Variants in SPAG16 observed in about 807,000 individuals in gnomAD.
The protein encoded by SPAG16 is sperm associated antigen 16.
A neutral mutation model predicts 80.4 loss-of-function variants in SPAG16; 86 were observed. The ratio of observed to expected loss-of-function variants is 1.07; its 90% CI spans 0.90 to 1.28. SPAG16 has a LOEUF of 1.28. Ranked by LOEUF, SPAG16 falls within the 50% of genes most tolerant of loss-of-function variation. The pLI, the probability that SPAG16 is intolerant of heterozygous loss-of-function variation, is 0.00. For missense variants in SPAG16, 870 were observed against 765.3 expected, an observed-to-expected ratio of 1.14 and a Z score of -1.61; for synonymous variants, 294 against 265.9, an observed-to-expected ratio of 1.11 and a Z score of -1.03.
At chr2:214,273,687 T>G (rs1692214786) in intron 15 of SPAG16, among the ~76,000 whole-genome samples, 1 of 152,322 alleles carries the variant, frequency 6.6e-6, no homozygotes, top group Middle Eastern at 3.4e-3. Flanking sequence ...CATGCTGTTT[T>G]GGTTACTGTA....
intron 5 of SPAG16, among the ~76,000 whole-genome samples, chr2:213,322,744 G>A (rs939464238): frequency 2.6e-5 from 4 of 152,140 alleles, no homozygotes; most frequent in Non-Finnish European, 5.9e-5. Context: ...GAGACAGACG[G>A]GGTGCTGTTT....
chr2:213,385,049 A>C (rs528738278), intron 9 of SPAG16, among the ~76,000 whole-genome samples: 232 of 152,244 alleles, frequency 1.5e-3, no homozygotes, highest in African/African-American at 5.3e-3. Context: ...ACTCTCTACT[A>C]TCATCTTAGA....
Position 214,291,595 on chromosome 2 carries a change from G to A in SPAG16, c.1721-118545G>A, listed in dbSNP as rs539661983. Among the ~76,000 whole-genome samples, 20 of 152,174 alleles carry A rather than the reference G, an allele frequency of 1.3e-4. No homozygotes were observed. In the South Asian group the frequency reaches 2.3e-3, roughly 17 times the overall value. On this transcript the variant is annotated intron_variant, in intron 15 of 15. Transcript: ENST00000331683. ...GCTGGGATTACAGGCGTGAGCCACC[G>A]CGCCCGGCCTAGATCATGTTTCTTT...
intron 10 of SPAG16, among the ~76,000 whole-genome samples, chr2:213,849,161 G>C (rs1318930884): frequency 1.3e-5 from 2 of 152,142 alleles, no homozygotes; most frequent in Non-Finnish European, 2.9e-5. Context: ...GTGACAGAGA[G>C]CCAGCTTATG....
chr2:213,401,799 T>C (rs2068324103), intron 9 of SPAG16, among the ~76,000 whole-genome samples: 1 of 152,136 alleles, frequency 6.6e-6, no homozygotes, highest in Non-Finnish European at 1.5e-5. Flanking sequence ...ATTTATCTTT[T>C]TATGCTTGCA....
chr2:213,614,345 C>T (rs962311590), intron 10 of SPAG16, among the ~76,000 whole-genome samples: 2 of 152,044 alleles, frequency 1.3e-5, no homozygotes, highest in African/African-American at 2.4e-5. Context: ...TTTTTATTTT[C>T]CTGTATTACT....
In SPAG16 at chr2:213,524,730, TG is replaced by T. The variant is rs1266682312; in HGVS notation, c.1070+34643del. On this transcript the variant is annotated intron_variant, in intron 10 of 15. Transcript: ENST00000331683. ...TTTGGTCAATTTCTCCCATTTTGAA[TG>T]GGTGTATTTACCTAATGCCTGTACT... 1.7e-4 allele frequency among the ~76,000 whole-genome samples: 26 copies of T among 152,252 alleles called. 1 individual carries two copies. Among genetic ancestry groups the T allele is most frequent in the Admixed American group, 1.7e-3 (26 of 15,286 alleles).
At chr2:213,991,125 G>C (rs1054330466) in intron 12 of SPAG16, among the ~76,000 whole-genome samples, 1 of 151,896 alleles carries the variant, frequency 6.6e-6, no homozygotes, top group Non-Finnish European at 1.5e-5. Context: ...TCTACATTAG[G>C]TATGTCTCCT....
At chr2:214,355,917 G>A (rs1032748648) in intron 15 of SPAG16, among the ~76,000 whole-genome samples, 52 of 148,044 alleles carry the variant, frequency 3.5e-4, no homozygotes, top group East Asian at 1.2e-3. Flanking sequence ...GTAAACTATC[G>A]CAAGGACAAA....
At chr2:214,058,003 A>G (rs2050036238) in intron 13 of SPAG16, among the ~76,000 whole-genome samples, 1 of 152,162 alleles carries the variant, frequency 6.6e-6, no homozygotes, top group Non-Finnish European at 1.5e-5. Context: ...TGGCTTAAAA[A>G]AAATGTTGTG....
chr2:214,225,750 A>G (rs2058684774), intron 15 of SPAG16, among the ~76,000 whole-genome samples: 1 of 152,118 alleles, frequency 6.6e-6, no homozygotes, highest in South Asian at 2.1e-4. Context: ...CTTTACTTAT[A>G]ATATAGTATC....
At chr2:214,135,705 C>T (rs1364964563) in intron 14 of SPAG16, among the ~76,000 whole-genome samples, 3 of 148,822 alleles carry the variant, frequency 2.0e-5, no homozygotes, top group Non-Finnish European at 3.0e-5. Flanking sequence ...CTCTATCTCT[C>T]TCTCTCTCTG....
At chr2:214,205,463 A>G (rs1398212020) in intron 15 of SPAG16, among the ~76,000 whole-genome samples, 1 of 152,180 alleles carries the variant, frequency 6.6e-6, no homozygotes, top group Non-Finnish European at 1.5e-5. Flanking sequence ...CATATGTTCA[A>G]TTTTATATTT....
chr2:213,976,135 TACACACAC>T (rs1553685174), intron 12 of SPAG16, among the ~76,000 whole-genome samples: 2 of 81,416 alleles, frequency 2.5e-5, no homozygotes, highest in Admixed American at 1.4e-4. Context: ...TATATATATA[TACACACAC>T]ACACACACAC....
chr2:213,523,428 A>C (rs2075764482), intron 10 of SPAG16, among the ~76,000 whole-genome samples: 2 of 152,148 alleles, frequency 1.3e-5, no homozygotes, highest in African/African-American at 4.8e-5. Context: ...TAATACAGTA[A>C]ATTGGTACCA....
intron 10 of SPAG16, among the ~76,000 whole-genome samples, chr2:213,538,741 A>C (rs2076331285): frequency 1.3e-5 from 2 of 152,186 alleles, no homozygotes. Flanking sequence ...TCAGTGCACA[A>C]AAAATACTAT....
At chr2:213,310,204 C>A (rs758317423) in intron 4 of SPAG16, 27 bp downstream of exon 4, 56 of 1,445,040 alleles carry the variant, frequency 3.9e-5, no homozygotes, top group Non-Finnish European at 4.9e-5. Flanking sequence ...ATAAATAGTT[C>A]TCTTAAAATT....
intron 15 of SPAG16, among the ~76,000 whole-genome samples, chr2:214,349,547 G>A (rs1399344111): frequency 6.6e-6 from 1 of 152,142 alleles, no homozygotes; most frequent in Non-Finnish European, 1.5e-5. Flanking sequence ...GAACACTCTT[G>A]CCAAATACTT....
rs185370459 is a variant in SPAG16, at chr2:213,452,430, T to A, written c.943-37533T>A. 7.2e-5 allele frequency among the ~76,000 whole-genome samples: 11 copies of A among 152,286 alleles called. No homozygotes were observed. The East Asian group carries it at 2.1e-3, about 29-fold the overall frequency. On this transcript the variant is annotated intron_variant, in intron 9 of 15. Coordinates refer to ENST00000331683, the MANE Select transcript of SPAG16 (RefSeq NM_024532.5). ...ACTCTATATCCAATTTATCATCAGA[T>A]TCTTTATTTTTCTTTTCTCAACTCT...
Sources: allele counts gnomAD v4.1 joint callset (sites outside exome capture counted in the v4.1 genomes callset), GRCh38; gene constraint gnomAD v4.1.1; transcripts MANE v1.5; gene names NCBI Gene and HGNC (gene_info 2026-07-23, HGNC 2026-07-21).